The following CIMAP2 variants were observed in gnomAD, a reference collection of about 807,000 sequenced individuals.
The protein encoded by CIMAP2 is ciliary microtubule-associated protein 2.
chr1:54,810,998 A>G, the CIMAP2 span, among the ~76,000 whole-genome samples: 1 of 152,150 alleles, frequency 6.6e-6, no homozygotes, highest in South Asian at 2.1e-4. Context: ...CCACACTCTG[A>G]CATGGTGGGC....
At chr1:54,815,074 T>C in the CIMAP2 span, 4 of 1,611,316 alleles carry the variant, frequency 2.5e-6, no homozygotes, top group Non-Finnish European at 3.4e-6. Flanking sequence ...ACATGGGAAC[T>C]CTCTCCTGCC....
chr1:54,809,908 G>A, the CIMAP2 span, among the ~76,000 whole-genome samples: 1 of 149,894 alleles, frequency 6.7e-6, no homozygotes, highest in Non-Finnish European at 1.5e-5. Context: ...AAACTTAAAA[G>A]TGATGATTCA....
At chr1:54,813,246 C>T in the CIMAP2 span, among the ~76,000 whole-genome samples, 5 of 152,108 alleles carry the variant, frequency 3.3e-5, no homozygotes, top group African/African-American at 4.8e-5. Flanking sequence ...ACAGCCTCCC[C>T]GACCACCAAC....
At chr1:54,816,486 C>T in the CIMAP2 span, among the ~76,000 whole-genome samples, 9 of 152,330 alleles carry the variant, frequency 5.9e-5, no homozygotes, top group African/African-American at 1.9e-4. Context: ...AGGGCTGCCA[C>T]AAACTAGGTG....
At chr1:54,817,187 C>A in the CIMAP2 span, 1 of 1,588,278 alleles carries the variant, frequency 6.3e-7, no homozygotes, top group Non-Finnish European at 8.6e-7. Context: ...CTGGGGTGGG[C>A]TGGTGGTTCC....
the CIMAP2 span, among the ~76,000 whole-genome samples, chr1:54,810,096 G>A: frequency 2.6e-3 from 401 of 152,276 alleles, no homozygotes; most frequent in Non-Finnish European, 4.3e-3. Context: ...AGTGCCCAGC[G>A]CTGGGCTTGC....
the CIMAP2 span, among the ~76,000 whole-genome samples, chr1:54,831,653 CAAA>C: frequency 6.9e-6 from 1 of 145,660 alleles, no homozygotes; most frequent in African/African-American, 2.5e-5. Context: ...AACTCCATCT[CAAA>C]AAAAAAGAAA....
chr1:54,811,765 G>GCCGGGCGGCCGCCCCCCC, the CIMAP2 span: 1 of 1,301,332 alleles, frequency 7.7e-7, no homozygotes, highest in Non-Finnish European at 1.1e-6. Flanking sequence ...GGTTCTGACA[G>GCCGGGCGGCCGCCCCCCC]CCTCCATGCC....
chr1:54,811,766 C>CGGGGGGGGGGGGGGGGGGG, the CIMAP2 span: 11 of 1,305,184 alleles, frequency 8.4e-6, no homozygotes, highest in East Asian at 2.5e-5. Flanking sequence ...GTTCTGACAG[C>CGGGGGGGGGGGGGGGGGGG]CTCCATGCCC....
the CIMAP2 span, among the ~76,000 whole-genome samples, chr1:54,818,617 G>A: frequency 0.61 from 92,956 of 151,670 alleles, 29,041 homozygotes; most frequent in South Asian, 0.75. Flanking sequence ...TTTAAGATGA[G>A]GTCTCACTCT....
the CIMAP2 span, chr1:54,812,201 G>A: frequency 6.2e-7 from 1 of 1,614,168 alleles, no homozygotes; most frequent in Non-Finnish European, 8.5e-7. Context: ...TGTGTACCCA[G>A]GGGTTGAAGG....
At chr1:54,832,012 A>G in the CIMAP2 span, among the ~76,000 whole-genome samples, 4 of 152,220 alleles carry the variant, frequency 2.6e-5, no homozygotes, top group African/African-American at 9.6e-5. Flanking sequence ...ACGCCCAACT[A>G]ATTGTTGTAT....
At chr1:54,820,521 T>C in the CIMAP2 span, among the ~76,000 whole-genome samples, 3 of 152,214 alleles carry the variant, frequency 2.0e-5, no homozygotes, top group East Asian at 5.8e-4. Flanking sequence ...TTTTCCATAA[T>C]GGCTGTTCTA....
At chr1:54,811,765 G>GCGGGGGGGGGGGGGGGGGGGCCCCC in the CIMAP2 span, 1 of 1,301,330 alleles carries the variant, frequency 7.7e-7, no homozygotes. Context: ...GGTTCTGACA[G>GCGGGGGGGGGGGGGGGGGGGCCCCC]CCTCCATGCC....
chr1:54,811,773 G>GCCCCCT, the CIMAP2 span: 1 of 1,325,052 alleles, frequency 7.5e-7, no homozygotes, highest in Admixed American at 2.4e-5. Flanking sequence ...CAGCCTCCAT[G>GCCCCCT]CCCCCACCCC....
At chr1:54,821,169 C>T in the CIMAP2 span, among the ~76,000 whole-genome samples, 15 of 151,944 alleles carry the variant, frequency 9.9e-5, no homozygotes, top group Non-Finnish European at 1.2e-4. Flanking sequence ...ACATTTTCTC[C>T]TATTCTACAC....
the CIMAP2 span, among the ~76,000 whole-genome samples, chr1:54,808,840 G>T: frequency 1.3e-5 from 2 of 152,044 alleles, no homozygotes; most frequent in Non-Finnish European, 2.9e-5. Context: ...CAGCACAGCA[G>T]TTTGTTGGCC....
At chr1:54,811,765 G>GCGGGGGGGGGGCCCCCCCCCCCCC in the CIMAP2 span, 1 of 1,301,330 alleles carries the variant, frequency 7.7e-7, no homozygotes, top group Non-Finnish European at 1.1e-6. Context: ...GGTTCTGACA[G>GCGGGGGGGGGGCCCCCCCCCCCCC]CCTCCATGCC....
the CIMAP2 span, among the ~76,000 whole-genome samples, chr1:54,841,340 A>G: frequency 2.0e-5 from 3 of 152,130 alleles, no homozygotes; most frequent in African/African-American, 7.2e-5. Flanking sequence ...GGCTCACGGG[A>G]TGGGAGGTTG....
Sources: allele counts gnomAD v4.1 joint callset (sites outside exome capture counted in the v4.1 genomes callset), GRCh38; gene constraint gnomAD v4.1.1; transcripts MANE v1.5; gene names NCBI Gene and HGNC (gene_info 2026-07-23, HGNC 2026-07-21).